The following LINGO2 variants were observed in gnomAD, a reference collection of about 807,000 sequenced individuals.
The protein encoded by LINGO2 is leucine rich repeat and Ig domain containing 2, also known as leucine-rich repeat and immunoglobulin-like domain-containing nogo receptor-interacting protein 2.
A neutral mutation model predicts 30.6 loss-of-function variants in LINGO2; 14 were observed. The observed-to-expected ratio is 0.46, with a 90% CI of 0.30 to 0.72. LINGO2 has a LOEUF of 0.72. Among genes scored for constraint, LINGO2 ranks in the 30% least tolerant of loss-of-function variants. The pLI is 0.07. For missense variants in LINGO2, 729 were observed against 751.7 expected, an observed-to-expected ratio of 0.97 and a Z score of 0.35; for synonymous variants, 317 against 288.5, an observed-to-expected ratio of 1.10 and a Z score of -1.00.
intron 3 of LINGO2, among the ~76,000 whole-genome samples, chr9:28,354,089 G>C (rs10757732): frequency 2.6e-5 from 4 of 152,034 alleles, no homozygotes; most frequent in African/African-American, 9.7e-5. Context: ...CCAGCATGGC[G>C]CATGTATACA....
intron 4 of LINGO2, among the ~76,000 whole-genome samples, chr9:28,043,231 GAC>G (rs1351377780): frequency 5.9e-5 from 9 of 152,282 alleles, no homozygotes; most frequent in African/African-American, 1.9e-4. Flanking sequence ...CACTTCCTCA[GAC>G]ACATGATAAA....
intron 1 of LINGO2, among the ~76,000 whole-genome samples, chr9:28,564,688 C>T (rs964228599): frequency 6.6e-6 from 1 of 152,082 alleles, no homozygotes; most frequent in Non-Finnish European, 1.5e-5. Flanking sequence ...TTTCTTTTCT[C>T]TGTTTATAAC....
Position 28,253,641 on chromosome 9 carries a change from G to A in LINGO2, c.-87+41567C>T, listed in dbSNP as rs186309726. Among the ~76,000 whole-genome samples, 57 of 152,230 alleles carry A rather than the reference G, an allele frequency of 3.7e-4. No individual in the cohort carries two copies. In the East Asian group the frequency reaches 0.011, roughly 28 times the overall value. ...CAGATTTGAATGACGAGGTTAAGATGGTAGGAGTTAAAACCTCAGGGTCTG... is the reference window on the plus strand; with the variant it reads ...CAGATTTGAATGACGAGGTTAAGATAGTAGGAGTTAAAACCTCAGGGTCTG... On this transcript the variant is annotated intron_variant, in intron 4 of 5. Coordinates refer to ENST00000379992, the Ensembl canonical transcript of LINGO2.
At chr9:28,884,351 A>G in the LINGO2 span, among the ~76,000 whole-genome samples, 3 of 152,274 alleles carry the variant, frequency 2.0e-5, no homozygotes, top group East Asian at 5.8e-4. Context: ...AGATGTTGCT[A>G]CAATTTGATC....
intron 4 of LINGO2, among the ~76,000 whole-genome samples, chr9:28,149,896 C>A (rs113346815): frequency 6.9e-6 from 1 of 145,858 alleles, no homozygotes; most frequent in Non-Finnish European, 1.5e-5. Flanking sequence ...AAGTAAGGAG[C>A]GCCTATGCCT....
At chr9:29,062,466 C>T in the LINGO2 span, among the ~76,000 whole-genome samples, 4 of 151,930 alleles carry the variant, frequency 2.6e-5, no homozygotes, top group Non-Finnish European at 5.9e-5. Context: ...AATGGATAAA[C>T]AAAATGTGGT....
chr9:28,160,769 T>C (rs1302406059), intron 4 of LINGO2, among the ~76,000 whole-genome samples: 1 of 152,214 alleles, frequency 6.6e-6, no homozygotes, highest in Non-Finnish European at 1.5e-5. Flanking sequence ...ATAAATAGTT[T>C]CTAGATAAAT....
the LINGO2 span, among the ~76,000 whole-genome samples, chr9:29,085,679 T>G: frequency 6.6e-6 from 1 of 152,122 alleles, no homozygotes; most frequent in Non-Finnish European, 1.5e-5. Flanking sequence ...ACTCTAACAC[T>G]AATAAAACCT....
intron 2 of LINGO2, among the ~76,000 whole-genome samples, chr9:28,390,536 C>T (rs6476063): frequency 0.71 from 107,550 of 151,222 alleles, 38,744 homozygotes; most frequent in Non-Finnish European, 0.76. Flanking sequence ...CATATACACA[C>T]AGAGCAGAAA....
At chr9:28,811,497 A>G in the LINGO2 span, among the ~76,000 whole-genome samples, 9 of 152,208 alleles carry the variant, frequency 5.9e-5, no homozygotes, top group African/African-American at 1.2e-4. Context: ...CAAACCTCTA[A>G]TCCTGAGTTT....
intron 2 of LINGO2, among the ~76,000 whole-genome samples, chr9:28,422,608 T>C (rs1486683487): frequency 6.6e-6 from 1 of 152,070 alleles, no homozygotes; most frequent in African/African-American, 2.4e-5. Context: ...ATGCAAAATA[T>C]ATTATGGGTC....
chr9:29,081,793 CAG>C, the LINGO2 span, among the ~76,000 whole-genome samples: 2 of 151,900 alleles, frequency 1.3e-5, no homozygotes, highest in Non-Finnish European at 2.9e-5. Flanking sequence ...CAATAACAGA[CAG>C]AGAGCCAAAT....
At chr9:28,561,285 TA>T (rs1010994797) in intron 1 of LINGO2, among the ~76,000 whole-genome samples, 19 of 151,638 alleles carry the variant, frequency 1.3e-4, no homozygotes, top group African/African-American at 2.4e-4. Flanking sequence ...GAGTTACCGT[TA>T]AAAAAAATTC....
At chr9:28,810,293 G>A in the LINGO2 span, among the ~76,000 whole-genome samples, 1 of 152,046 alleles carries the variant, frequency 6.6e-6, no homozygotes, top group Admixed American at 6.6e-5. Flanking sequence ...AGTCAGACAA[G>A]GATTTTCAGG....
chr9:28,714,227 A>G, the LINGO2 span, among the ~76,000 whole-genome samples: 1 of 149,946 alleles, frequency 6.7e-6, no homozygotes, highest in African/African-American at 2.4e-5. Context: ...ATATACATAT[A>G]TATATATCTC....
At chr9:29,146,907 T>A in the LINGO2 span, among the ~76,000 whole-genome samples, 6 of 152,202 alleles carry the variant, frequency 3.9e-5, no homozygotes, top group African/African-American at 1.4e-4. Flanking sequence ...TATTTCTCAA[T>A]ATTAAAATTA....
At chr9:28,482,497 T>G (rs1399634724) in intron 1 of LINGO2, among the ~76,000 whole-genome samples, 3 of 152,108 alleles carry the variant, frequency 2.0e-5, no homozygotes, top group Non-Finnish European at 2.9e-5. Context: ...TAAATTTGTT[T>G]GAGTTCATTG....
At chr9:28,032,708 T>C (rs981213575) in intron 4 of LINGO2, among the ~76,000 whole-genome samples, 1 of 152,162 alleles carries the variant, frequency 6.6e-6, no homozygotes, top group African/African-American at 2.4e-5. Context: ...TGAAAACCTA[T>C]AACCCATGAG....
chr9:28,393,394 GA>G (rs1018767702), intron 2 of LINGO2, among the ~76,000 whole-genome samples: 3 of 152,224 alleles, frequency 2.0e-5, no homozygotes, highest in Non-Finnish European at 4.4e-5. Context: ...CAAGGAAAAT[GA>G]GGCTGAAAGA....
Sources: allele counts gnomAD v4.1 joint callset (sites outside exome capture counted in the v4.1 genomes callset), GRCh38; gene constraint gnomAD v4.1.1; transcripts MANE v1.5; gene names NCBI Gene and HGNC (gene_info 2026-07-23, HGNC 2026-07-21).